The following MAP3K1 variants were observed in gnomAD, a reference collection of about 807,000 sequenced individuals.
The protein encoded by MAP3K1 is MAP/ERK kinase kinase 1.
A neutral mutation model predicts 144.2 loss-of-function variants in MAP3K1; 36 were observed. That is an observed-to-expected ratio of 0.25 (90% CI 0.19 to 0.33). The LOEUF is 0.33. MAP3K1 is among the 10% of genes least tolerant of loss of function. The pLI is 1.00. For missense variants in MAP3K1, 1,650 were observed against 1,881.9 expected (o/e 0.88, Z 2.28); for synonymous variants, 718 against 688.7 (o/e 1.04, Z -0.67).
chr5:56,888,715 G>A (rs956190123), intron 19 of MAP3K1, among the ~76,000 whole-genome samples: 1 of 152,248 alleles, frequency 6.6e-6, no homozygotes, highest in African/African-American at 2.4e-5. Context: ...ATGATTTTGC[G>A]GAACAGTAGG....
intron 3 of MAP3K1, among the ~76,000 whole-genome samples, chr5:56,864,464 A>G (rs987751368): frequency 4.7e-5 from 7 of 148,788 alleles, no homozygotes; most frequent in African/African-American, 1.7e-4. Context: ...TGCAACCTCC[A>G]TCCCAGGTTC....
At chr5:56,827,463 G>A (rs914831923) in intron 1 of MAP3K1, among the ~76,000 whole-genome samples, 6 of 152,336 alleles carry the variant, frequency 3.9e-5, no homozygotes, top group African/African-American at 1.4e-4. Context: ...GAGGTTCACA[G>A]ATTGGGAAGT....
At chr5:56,848,957 C>T (rs1747081855) in intron 1 of MAP3K1, among the ~76,000 whole-genome samples, 1 of 152,116 alleles carries the variant, frequency 6.6e-6, no homozygotes, top group South Asian at 2.1e-4. Flanking sequence ...ATTCTATGCC[C>T]ATATCTCTCA....
intron 1 of MAP3K1, among the ~76,000 whole-genome samples, chr5:56,848,409 T>C (rs80233204): frequency 0.014 from 2,183 of 152,276 alleles, 18 homozygotes; most frequent in Non-Finnish European, 0.024. Flanking sequence ...CTTAGATCTT[T>C]GTTGATTAGA....
At chr5:56,864,968 A>G (rs368601767) in intron 4 of MAP3K1, 34 bp downstream of exon 4, 260 of 1,584,922 alleles carry the variant, frequency 1.6e-4, no homozygotes, top group Admixed American at 3.3e-5. Flanking sequence ...CTTTATTAGT[A>G]GTAGTATATG....
In MAP3K1 at chr5:56,895,349, AC is replaced by A; in HGVS notation, c.*1670del. ...GGTATCTCTAAATGTGTTGTACTTG[AC>A]TTTCTTTTTTATTTTGTTTTTTTTT... On this transcript the variant is annotated 3_prime_UTR_variant, in exon 20 of 20. Coordinates refer to ENST00000399503, the MANE Select transcript of MAP3K1 (RefSeq NM_005921.2). 1 of 211,466 alleles carries A rather than the reference AC, an allele frequency of 4.7e-6. No individual in the cohort carries two copies. The highest frequency in any genetic ancestry group is 6.2e-5 in the East Asian group (1 of 16,096). 13.1% of individuals were successfully genotyped at this position (211,466 alleles called of 1,614,324 possible). A position where few individuals can be genotyped will look rare whatever the true frequency, so the allele number is the denominator to read the frequency against.
In MAP3K1 at chr5:56,832,314, A is replaced by G. The variant is rs17661426; in HGVS notation, c.482+16259A>G. ...AGTGGCAAGCAAAGGGGGTTCAGCC[A>G]TTGTTGAGAGATTTCCTACTTCAGT... On this transcript the variant is annotated intron_variant, in intron 1 of 19. Coordinates refer to ENST00000399503, the MANE Select transcript of MAP3K1 (RefSeq NM_005921.2). 9.3e-3 allele frequency among the ~76,000 whole-genome samples: 1,420 copies of G among 152,334 alleles called. 12 individuals carry two copies. Among genetic ancestry groups the G allele is most frequent in the Admixed American group, 0.014 (216 of 15,306 alleles).
At chr5:56,864,991 AT>A in intron 4 of MAP3K1, 57 bp downstream of exon 4, 1 of 1,419,898 alleles carries the variant, frequency 7.0e-7, no homozygotes, top group East Asian at 2.3e-5. Flanking sequence ...ACTACCTCAA[AT>A]TTATATACTA....
rs193032766 is a variant in MAP3K1 at position 56,815,846 on chromosome 5, G to A, written c.273G>A (p.Pro91=). ...CACCGCCGGCCTCCTCGACTTCCCC[G>A]TCGCCGGAGCCCGCGGACGCAGCGG... The part of the protein sequence containing the change: ...AASPPASSTS[P]SPEPADAAGS... Residue 91 remains proline (P), a synonymous_variant, in exon 1 of 20, where the codon CCG becomes CCA. Transcript: ENST00000399503. 3.0e-4 allele frequency: 421 copies of A among 1,404,252 alleles called. No individual in the cohort carries two copies. The highest frequency in any genetic ancestry group is 1.7e-4 in the Non-Finnish European group (179 of 1,074,916). 87.0% of individuals were successfully genotyped at this position (1,404,252 alleles called of 1,614,324 possible).
In MAP3K1 at chr5:56,895,082, G is replaced by A. The variant is rs1356414064; in HGVS notation, c.*1402G>A. On this transcript the variant is annotated 3_prime_UTR_variant, in exon 20 of 20. Coordinates refer to ENST00000399503, the MANE Select transcript of MAP3K1 (RefSeq NM_005921.2). ...TCAGAAGCCAGTGTGAAATAGAATT[G>A]GTTATTCTCAAAGACTCAGGATAAA... is the stretch of plus-strand genomic sequence containing the variant. 1 of 231,140 alleles carries A rather than the reference G, an allele frequency of 4.3e-6. No homozygotes were observed. The highest frequency in any genetic ancestry group is 8.6e-6 in the Non-Finnish European group (1 of 116,918). The allele number at this position is 231,140 out of a possible 1,614,324, so 14.3% of individuals were successfully genotyped here.
chr5:56,856,691 A>T lies in MAP3K1; in HGVS notation c.574A>T (p.Thr192Ser), dbSNP rs1276458426. Residue 192 changes from threonine to serine, a missense_variant, in exon 2 of 20, where the codon ACC becomes TCC. This residue lies in a region of MAP3K1 where 148 missense variants were observed against 177.2 expected (regional missense o/e 0.84). Coordinates refer to ENST00000399503, the MANE Select transcript of MAP3K1 (RefSeq NM_005921.2). ...AATGATCAGGGAGAAACTGAAGGCA[A>T]CCTGTATGCCAGCCTGGAAGCACGA... ...ERMIREKLKATCMPAWKHEWL... is the reference protein window; with the variant it reads ...ERMIREKLKASCMPAWKHEWL... The T allele has an allele frequency of 6.2e-7, 1 of 1,613,952 alleles. No individual in the cohort carries two copies. The highest frequency in any genetic ancestry group is 8.5e-7 in the Non-Finnish European group (1 of 1,179,954).
chr5:56,893,172 G>A (rs1306899478), intron 19 of MAP3K1, among the ~76,000 whole-genome samples: 3 of 152,086 alleles, frequency 2.0e-5, no homozygotes, highest in Non-Finnish European at 4.4e-5. Context: ...AATAGAAAAC[G>A]TGCAGTAAGA....
At chr5:56,891,023 G>A (rs1411389828) in intron 19 of MAP3K1, among the ~76,000 whole-genome samples, 1 of 152,030 alleles carries the variant, frequency 6.6e-6, no homozygotes, top group African/African-American at 2.4e-5. Context: ...TTCAGCCTGG[G>A]TGACAGTGAG....
chr5:56,821,688 T>G (rs1193886792), intron 1 of MAP3K1, among the ~76,000 whole-genome samples: 2 of 152,192 alleles, frequency 1.3e-5, no homozygotes, highest in African/African-American at 2.4e-5. Flanking sequence ...CTGGCTTTAC[T>G]TTTCTTCATT....
intron 1 of MAP3K1, among the ~76,000 whole-genome samples, chr5:56,850,223 G>A (rs1315304965): frequency 6.6e-6 from 1 of 152,146 alleles, no homozygotes; most frequent in African/African-American, 2.4e-5. Context: ...GTTTGGTAGT[G>A]TGTGAATTTC....
At chr5:56,844,890 A>C (rs1332660732) in intron 1 of MAP3K1, among the ~76,000 whole-genome samples, 1 of 152,230 alleles carries the variant, frequency 6.6e-6, no homozygotes, top group Non-Finnish European at 1.5e-5. Context: ...TCAGGAAGTC[A>C]TTCTTCCTCA....
At chr5:56,849,230 G>T (rs41106) in intron 1 of MAP3K1, among the ~76,000 whole-genome samples, 98,869 of 151,470 alleles carry the variant, frequency 0.65, 33,135 homozygotes, top group Non-Finnish European at 0.72. Context: ...TGTGCCTGTG[G>T]TCCCAGCTAC....
In MAP3K1 at chr5:56,896,103, A is replaced by G. The variant is rs1000702405; in HGVS notation, c.*2423A>G. On this transcript the variant is annotated 3_prime_UTR_variant, in exon 20 of 20. Transcript: ENST00000399503. ...ATTGAACCGATTTTATAGTATTTGTACCTATTTTGGTGTTTTTGTCTTTAT... is the reference window on the plus strand; with the variant it reads ...ATTGAACCGATTTTATAGTATTTGTGCCTATTTTGGTGTTTTTGTCTTTAT... The G allele has an allele frequency of 4.4e-6, 1 of 225,844 alleles. No individual in the cohort carries two copies. Among genetic ancestry groups the G allele is most frequent in the Admixed American group, 5.7e-5 (1 of 17,544 alleles). 14.0% of individuals were successfully genotyped at this position (225,844 alleles called of 1,614,324 possible).
intron 1 of MAP3K1, among the ~76,000 whole-genome samples, chr5:56,835,656 TAGA>T (rs2111797109): frequency 6.6e-6 from 1 of 151,614 alleles, no homozygotes; most frequent in East Asian, 2.0e-4. Context: ...GGGAGAGAAA[TAGA>T]AGCTAGAATG....
Sources: allele counts gnomAD v4.1 joint callset (sites outside exome capture counted in the v4.1 genomes callset), GRCh38; gene constraint gnomAD v4.1.1; regional missense constraint gnomAD v4.1.1; transcripts MANE v1.5; gene names NCBI Gene and HGNC (gene_info 2026-07-23, HGNC 2026-07-21).